The following CSMD2 variants were observed in gnomAD, a reference collection of about 807,000 sequenced individuals.
CSMD2 encodes CUB and sushi domain-containing protein 2.
In CSMD2, 130 loss-of-function variants were observed where a neutral mutation model predicts 398.5. The observed-to-expected ratio is 0.33, with a 90% CI of 0.28 to 0.38. The LOEUF (loss-of-function observed/expected upper bound fraction) is 0.38. Among genes scored for constraint, CSMD2 ranks in the 10% least tolerant of loss-of-function variants. The pLI is 1.00. For missense variants in CSMD2, 3,829 were observed against 4,764.9 expected, an observed-to-expected ratio of 0.80 and a Z score of 5.78; for synonymous variants, 1,828 against 1,908.5, an observed-to-expected ratio of 0.96 and a Z score of 1.10.
chr1:33,634,969 T>G (rs1382725601), intron 31 of CSMD2, among the ~76,000 whole-genome samples: 1 of 152,140 alleles, frequency 6.6e-6, no homozygotes, highest in Non-Finnish European at 1.5e-5. Context: ...CTTGGCCAGT[T>G]TCTCACCAAC....
intron 25 of CSMD2, among the ~76,000 whole-genome samples, chr1:33,669,833 C>T (rs1261561412): frequency 6.6e-6 from 1 of 151,990 alleles, no homozygotes; most frequent in African/African-American, 2.4e-5. Flanking sequence ...ACAGGAGAGA[C>T]ACAGGGAAGG....
At chr1:33,619,029 C>T (rs1419989554) in intron 37 of CSMD2, among the ~76,000 whole-genome samples, 1 of 152,188 alleles carries the variant, frequency 6.6e-6, no homozygotes, top group Admixed American at 6.5e-5. Context: ...CAGGGGGCTT[C>T]CTGCCTCTCC....
chr1:33,647,730 G>A (rs1189004894), intron 28 of CSMD2, among the ~76,000 whole-genome samples: 2 of 152,194 alleles, frequency 1.3e-5, no homozygotes, highest in Non-Finnish European at 2.9e-5. Flanking sequence ...TTGGGTAGAA[G>A]AATGGTGACA....
chr1:33,669,498 T>C (rs1360382584), intron 25 of CSMD2, among the ~76,000 whole-genome samples: 1 of 152,072 alleles, frequency 6.6e-6, no homozygotes, highest in East Asian at 1.9e-4. Context: ...ACACACCAAG[T>C]CCCCCCTGGG....
At chr1:33,844,862 T>C (rs1661206627) in intron 6 of CSMD2, among the ~76,000 whole-genome samples, 1 of 152,210 alleles carries the variant, frequency 6.6e-6, no homozygotes. Context: ...CTAAGGATGA[T>C]AGAGGGAACA....
chr1:33,679,607 A>G (rs952491283), intron 25 of CSMD2, among the ~76,000 whole-genome samples: 7 of 152,214 alleles, frequency 4.6e-5, no homozygotes, highest in African/African-American at 1.4e-4. Context: ...TGCTAAGAGT[A>G]TTATCATAAA....
intron 31 of CSMD2, among the ~76,000 whole-genome samples, chr1:33,634,733 C>A (rs958949851): frequency 6.6e-6 from 1 of 152,166 alleles, no homozygotes; most frequent in African/African-American, 2.4e-5. Flanking sequence ...GCTTGTCCTA[C>A]CTATAGCTTC....
Position 33,633,272 on chromosome 1 carries a change from T to C in CSMD2, c.5200+150A>G. On this transcript the variant is annotated intron_variant, in intron 32 of 70. Transcript: ENST00000373381. This position sits in a 1 kb window ranked among gnomAD's most constrained non-coding sequence, Gnocchi z 5.0. ...GTTGGAGCTCTCACGAGCTGGCTGC[T>C]GCGTTGTAGACAAGCACCAGAACAC... 3.1e-6 allele frequency: 2 copies of C among 646,350 alleles called. No individual in the cohort carries two copies. The highest frequency in any genetic ancestry group is 5.5e-6 in the Non-Finnish European group (2 of 363,088). 40.0% of individuals were successfully genotyped at this position (646,350 alleles called of 1,614,324 possible). A position where few individuals can be genotyped will look rare whatever the true frequency, so the allele number is the denominator to read the frequency against.
At chr1:33,767,443 T>TA (rs1472887989) in intron 13 of CSMD2, among the ~76,000 whole-genome samples, 2 of 152,222 alleles carry the variant, frequency 1.3e-5, no homozygotes. Flanking sequence ...GAGCTCCAGA[T>TA]ACGTCTAGAG....
chr1:34,102,700 T>C (rs904118772), intron 1 of CSMD2, among the ~76,000 whole-genome samples: 2 of 124,868 alleles, frequency 1.6e-5, no homozygotes, highest in East Asian at 3.2e-4. Context: ...CCGGCCATGC[T>C]GGACCTTTGC....
At chr1:33,712,296 C>T (rs1473830728) in intron 21 of CSMD2, among the ~76,000 whole-genome samples, 1 of 152,086 alleles carries the variant, frequency 6.6e-6, no homozygotes, top group Admixed American at 6.5e-5. Flanking sequence ...TCAGGGGCCC[C>T]TGATGTCAGG....
intron 44 of CSMD2, among the ~76,000 whole-genome samples, chr1:33,591,176 CG>C (rs1446458594): frequency 6.6e-6 from 1 of 151,756 alleles, no homozygotes; most frequent in Non-Finnish European, 1.5e-5. Flanking sequence ...TTAATAGAGA[CG>C]GGGTTTCTCC....
At chr1:34,082,249 C>T (rs1259718299) in intron 2 of CSMD2, among the ~76,000 whole-genome samples, 23 of 150,904 alleles carry the variant, frequency 1.5e-4, no homozygotes, top group Middle Eastern at 3.5e-3. Context: ...GCCGCGACCC[C>T]GTCTGGGAAC....
chr1:33,956,372 T>A (rs1170223791), intron 3 of CSMD2, among the ~76,000 whole-genome samples: 1 of 152,176 alleles, frequency 6.6e-6, no homozygotes, highest in Non-Finnish European at 1.5e-5. Context: ...TCTGTCTCTA[T>A]GAGTTTGACT....
intron 66 of CSMD2, among the ~76,000 whole-genome samples, chr1:33,523,762 T>G (rs1654523018): frequency 6.6e-6 from 1 of 152,186 alleles, no homozygotes; most frequent in Non-Finnish European, 1.5e-5. Context: ...CAATAGTTCA[T>G]GAGGTCCTGG....
At chr1:33,934,573 C>G (rs1050905010) in intron 4 of CSMD2, among the ~76,000 whole-genome samples, 2 of 152,124 alleles carry the variant, frequency 1.3e-5, no homozygotes, top group East Asian at 3.8e-4. Context: ...AATTTATGTA[C>G]ATATTTGTAA....
At chr1:34,151,580 A>G (rs554159175) in intron 1 of CSMD2, among the ~76,000 whole-genome samples, 1 of 152,220 alleles carries the variant, frequency 6.6e-6, no homozygotes, top group East Asian at 1.9e-4. Context: ...AGGAAAAGAA[A>G]GGAAAAGACA....
chr1:33,680,903 T>C (rs893273813), intron 25 of CSMD2, among the ~76,000 whole-genome samples: 1 of 145,002 alleles, frequency 6.9e-6, no homozygotes, highest in Admixed American at 6.9e-5. Context: ...CTTATTTCCA[T>C]CATCCTGTTT....
At chr1:33,740,642 T>C (rs531366086) in intron 14 of CSMD2, among the ~76,000 whole-genome samples, 47 of 152,150 alleles carry the variant, frequency 3.1e-4, no homozygotes, top group Non-Finnish European at 5.6e-4. Flanking sequence ...CAGCCCAGAC[T>C]TGAGTCTCCC....
Sources: gnomAD v4.1 joint callset for allele counts (sites outside exome capture counted in the v4.1 genomes callset) on GRCh38, gnomAD v4.1.1 for gene constraint, Gnocchi (gnomAD v3.1) non-coding constraint, MANE v1.5 for transcripts, NCBI Gene and HGNC (gene_info 2026-07-23, HGNC 2026-07-21) for gene names.